The following CCDC88C variants were observed in gnomAD, a reference collection of about 807,000 sequenced individuals.
The protein encoded by CCDC88C is protein Daple.
CCDC88C carries 131 observed loss-of-function variants against 198.8 expected under a neutral mutation model. The ratio of observed to expected loss-of-function variants is 0.66; its 90% CI spans 0.57 to 0.76. The LOEUF (loss-of-function observed/expected upper bound fraction) is 0.76, where lower values mean the gene tolerates loss of function less well. Among genes scored for constraint, CCDC88C ranks in the 30% least tolerant of loss-of-function variants. CCDC88C has a pLI of 0.00. For synonymous variants in CCDC88C, 1,166 were observed against 1,114.7 expected (o/e 1.05, Z -0.92); for missense variants, 2,553 against 2,631.6 (o/e 0.97, Z 0.65).
At chr14:91,410,119 T>C (rs762707085) in intron 2 of CCDC88C, among the ~76,000 whole-genome samples, 3 of 152,234 alleles carry the variant, frequency 2.0e-5, no homozygotes, top group Non-Finnish European at 2.9e-5. Flanking sequence ...CTCCCTCATC[T>C]ATATACAGGA....
intron 3 of CCDC88C, among the ~76,000 whole-genome samples, chr14:91,393,612 C>A (rs1013765167): frequency 1.3e-5 from 2 of 152,332 alleles, no homozygotes; most frequent in African/African-American, 4.8e-5. Context: ...TTGGGATACT[C>A]GCCTCTGCAA....
At chr14:91,327,508 T>C (rs1265933920) in intron 10 of CCDC88C, among the ~76,000 whole-genome samples, 1 of 152,172 alleles carries the variant, frequency 6.6e-6, no homozygotes, top group African/African-American at 2.4e-5. Context: ...AGTCCCTTCC[T>C]GCAGATGAAA....
At chr14:91,278,551 G>A (rs2044526490) in intron 28 of CCDC88C, among the ~76,000 whole-genome samples, 2 of 152,180 alleles carry the variant, frequency 1.3e-5, no homozygotes, top group African/African-American at 4.8e-5. Context: ...TACAGGGAAG[G>A]TTCATGAAGA....
intron 3 of CCDC88C, among the ~76,000 whole-genome samples, chr14:91,366,519 C>T (rs1567101522): frequency 6.6e-6 from 1 of 151,934 alleles, no homozygotes; most frequent in Non-Finnish European, 1.5e-5. Flanking sequence ...AAGAAACAAA[C>T]AAACAAAAAA....
intron 12 of CCDC88C, among the ~76,000 whole-genome samples, chr14:91,321,853 CTG>C (rs35378254): frequency 0.058 from 8,893 of 152,198 alleles, 282 homozygotes; most frequent in African/African-American, 0.071. Context: ...TTGAAGAAAA[CTG>C]TGATAGTGTA....
Position 91,273,247 on chromosome 14 carries a change from T to C in CCDC88C, c.5465A>G (p.Lys1822Arg), listed in dbSNP as rs377361398. The part of the protein sequence containing the change: ...LLRASGPEAC[K>R]QESPQKLGAP... Reference sequence around the variant, plus strand: ...CCCCAGCTTCTGAGGGGACTCCTGTTTGCAGGCCTCTGGCCCGCTGGCCCG... The same window carrying C: ...CCCCAGCTTCTGAGGGGACTCCTGTCTGCAGGCCTCTGGCCCGCTGGCCCG... The change falls in exon 30 of 30, where the codon AAA becomes AGA. Residue 1822 changes from lysine to arginine, a missense_variant. Coordinates refer to ENST00000389857, the MANE Select transcript of CCDC88C (RefSeq NM_001080414.4). This position sits in a 1 kb window ranked among gnomAD's most constrained non-coding sequence, Gnocchi z 5.6. 1 of 1,559,704 alleles carries C rather than the reference T, an allele frequency of 6.4e-7. No homozygotes were observed. Among genetic ancestry groups the C allele is most frequent in the Non-Finnish European group, 8.7e-7 (1 of 1,151,770 alleles).
chr14:91,383,339 C>T (rs1884922825), intron 3 of CCDC88C, among the ~76,000 whole-genome samples: 1 of 152,234 alleles, frequency 6.6e-6, no homozygotes, highest in Admixed American at 6.5e-5. Context: ...AGCCAGGAAT[C>T]TCAGGGGGCC....
intron 2 of CCDC88C, among the ~76,000 whole-genome samples, chr14:91,414,990 G>A (rs1168400115): frequency 1.3e-5 from 2 of 152,184 alleles, no homozygotes; most frequent in African/African-American, 2.4e-5. Flanking sequence ...AACGCTTCAG[G>A]AATTCCAAAG....
intron 5 of CCDC88C, 69 bp downstream of exon 5, chr14:91,343,530 C>G (rs998117772): frequency 2.4e-5 from 38 of 1,599,162 alleles, no homozygotes; most frequent in Non-Finnish European, 3.0e-5. Context: ...AGGGCTCGGT[C>G]AAGTCCCGCA....
At chr14:91,361,972 G>A (rs988865698) in intron 3 of CCDC88C, among the ~76,000 whole-genome samples, 33 of 151,942 alleles carry the variant, frequency 2.2e-4, no homozygotes, top group Admixed American at 1.9e-3. Context: ...AGAGGCTCAC[G>A]CCTGCAATCC....
rs1029115716 is a variant in CCDC88C at position 91,310,015 on chromosome 14, A to G, written c.2737-29T>C. 2.8e-5 allele frequency: 44 copies of G among 1,552,490 alleles called. No homozygotes were observed. In the Middle Eastern group the frequency reaches 6.7e-4, roughly 24 times the overall value. Reference sequence around the variant, plus strand: ...GAATGATGGGGAGAGAGCACTGGATAGGAGCTCAGCAAAACACGCAGGAAG... The same window carrying G: ...GAATGATGGGGAGAGAGCACTGGATGGGAGCTCAGCAAAACACGCAGGAAG... On this transcript the variant is annotated intron_variant, in intron 15 of 29. Transcript: ENST00000389857.
chr14:91,412,267 A>T (rs1250197778), intron 2 of CCDC88C, among the ~76,000 whole-genome samples: 1 of 152,128 alleles, frequency 6.6e-6, no homozygotes, highest in African/African-American at 2.4e-5. Flanking sequence ...ATATTTGTAT[A>T]AAAATATTAA....
At position 91,307,069 on chromosome 14, in the gene CCDC88C, A is replaced by G. The variant is rs1891587853; in HGVS notation, c.3164T>C (p.Val1055Ala). 1 of 1,613,510 alleles carries G rather than the reference A, an allele frequency of 6.2e-7. No homozygotes were observed. The highest frequency in any genetic ancestry group is 8.5e-7 in the Non-Finnish European group (1 of 1,179,664). Reference protein sequence around the residue: ...HKEATMELLRVKDRAIELERN... With the variant: ...HKEATMELLRAKDRAIELERN... ...CTCCAGCTCGATGGCCCGGTCCTTC[A>G]CTCGGAGAAGCTCCATGGTGGCTTC... is the stretch of plus-strand genomic sequence containing the variant. The change falls in exon 18 of 30, where the codon GTG (valine) becomes GCG (alanine). Residue 1055 changes from valine (V) to alanine (A), a missense_variant. Around this residue, in one of 2 missense-constraint regions of CCDC88C, gnomAD observed 1,260 missense variants for 1,412.0 expected, o/e 0.89. Coordinates refer to ENST00000389857, the MANE Select transcript of CCDC88C (RefSeq NM_001080414.4).
intron 14 of CCDC88C, among the ~76,000 whole-genome samples, chr14:91,315,246 C>T (rs947124789): frequency 1.1e-4 from 16 of 152,086 alleles, no homozygotes; most frequent in African/African-American, 3.6e-4. Context: ...CTGGACTGCC[C>T]GCCGTGTGAG....
intron 3 of CCDC88C, among the ~76,000 whole-genome samples, chr14:91,394,827 T>C (rs1885740988): frequency 6.6e-6 from 1 of 152,160 alleles, no homozygotes; most frequent in South Asian, 2.1e-4. Context: ...ACTCGCAAGA[T>C]TAATCCAAAT....
At chr14:91,385,150 G>C (rs17127339) in intron 3 of CCDC88C, among the ~76,000 whole-genome samples, 2,152 of 152,162 alleles carry the variant, frequency 0.014, 40 homozygotes, top group African/African-American at 0.041. Context: ...GTGCTGCTCT[G>C]CAAGACCCCA....
intron 20 of CCDC88C, among the ~76,000 whole-genome samples, chr14:91,302,070 G>A (rs550284838): frequency 2.0e-5 from 3 of 152,172 alleles, no homozygotes; most frequent in Non-Finnish European, 4.4e-5. Flanking sequence ...AAGGGGTGAA[G>A]AACTCCAGAT....
chr14:91,405,404 GT>G (rs1333427487), intron 3 of CCDC88C, among the ~76,000 whole-genome samples: 1 of 152,184 alleles, frequency 6.6e-6, no homozygotes, highest in Non-Finnish European at 1.5e-5. Context: ...AAGGAACAAG[GT>G]TTGTCCCACT....
At chr14:91,304,567 C>T (rs1385544713) in intron 19 of CCDC88C, among the ~76,000 whole-genome samples, 1 of 151,726 alleles carries the variant, frequency 6.6e-6, no homozygotes, top group Non-Finnish European at 1.5e-5. Flanking sequence ...CCAGCCTGGG[C>T]GACAGAGTGA....
Sources: gnomAD v4.1 joint callset for allele counts (sites outside exome capture counted in the v4.1 genomes callset) on GRCh38, gnomAD v4.1.1 for gene constraint, gnomAD v4.1.1 regional missense constraint, Gnocchi (gnomAD v3.1) non-coding constraint, MANE v1.5 for transcripts, NCBI Gene and HGNC (gene_info 2026-07-23, HGNC 2026-07-21) for gene names.